DAB1: variants seen among roughly 807,000 people sequenced by gnomAD.
DAB1 encodes the protein DAB adaptor protein 1, also known as disabled homolog 1.
DAB1 carries 15 observed loss-of-function variants against 64.6 expected under a neutral mutation model. The ratio of observed to expected loss-of-function variants is 0.23; its 90% CI spans 0.16 to 0.36. The LOEUF (loss-of-function observed/expected upper bound fraction) is 0.36, where lower values mean the gene tolerates loss of function less well. DAB1 is among the 10% of genes least tolerant of loss of function. The pLI is 1.00. For missense variants in DAB1, 596 were observed against 706.7 expected (o/e 0.84, Z 1.78); for synonymous variants, 235 against 251.9 (o/e 0.93, Z 0.64).
intron 1 of DAB1, among the ~76,000 whole-genome samples, chr1:57,422,912 C>T (rs930704965): frequency 2.6e-5 from 4 of 152,178 alleles, no homozygotes; most frequent in Admixed American, 2.6e-4. Flanking sequence ...AAAGATGCGC[C>T]CTCCCACCAG....
chr1:57,406,755 A>G lies in DAB1; in HGVS notation c.-137+17175T>C, dbSNP rs1683674322. The stretch of plus-strand genomic sequence containing the variant: ...CAAATTTAGCTGAAATGCAGCCAAC[A>G]GGATAGAAAGGATCCGAATCCTGTG... On this transcript the variant is annotated intron_variant, in intron 1 of 14. Transcript: ENST00000371236. 2.0e-5 allele frequency among the ~76,000 whole-genome samples: 3 copies of G among 152,232 alleles called. No homozygotes were observed. In the South Asian group the frequency reaches 6.2e-4, roughly 31 times the overall value.
chr1:57,023,372 A>G (rs769491731), intron 11 of DAB1, among the ~76,000 whole-genome samples, 159 bp downstream of exon 11: 22 of 152,156 alleles, frequency 1.4e-4, no homozygotes, highest in Non-Finnish European at 2.6e-4. Context: ...CTGGACCCCA[A>G]CACCACCTCC....
At chr1:58,484,222 G>A (rs1374122358) in intron 3 of DAB1, among the ~76,000 whole-genome samples, 3 of 152,152 alleles carry the variant, frequency 2.0e-5, no homozygotes, top group African/African-American at 7.2e-5. Context: ...CATTAGAATT[G>A]TTCCCACAGT....
chr1:58,158,201 C>G (rs934504246), intron 4 of DAB1, among the ~76,000 whole-genome samples: 1 of 152,124 alleles, frequency 6.6e-6, no homozygotes, highest in Non-Finnish European at 1.5e-5. Context: ...CAGACCCAAA[C>G]AGAGCTCAGA....
intron 4 of DAB1, among the ~76,000 whole-genome samples, chr1:57,094,942 G>A (rs1654022317): frequency 6.6e-6 from 1 of 152,026 alleles, no homozygotes; most frequent in Non-Finnish European, 1.5e-5. Context: ...TCGATCTCTT[G>A]CCCTATATTA....
At chr1:58,050,249 T>C (rs755072648) in intron 5 of DAB1, among the ~76,000 whole-genome samples, 2 of 152,180 alleles carry the variant, frequency 1.3e-5, no homozygotes, top group Non-Finnish European at 2.9e-5. Flanking sequence ...CGTGAGCCTA[T>C]AAGAGTTTGG....
At chr1:57,000,144 C>T (rs1234264069) in intron 14 of DAB1, among the ~76,000 whole-genome samples, 1 of 150,088 alleles carries the variant, frequency 6.7e-6, no homozygotes, top group Admixed American at 6.7e-5. Flanking sequence ...CCCAGGTTCA[C>T]ACCATTCTCC....
rs61512431 is a variant in DAB1, at chr1:57,282,182, C to CAAAAAA, written c.67+8776_67+8781dup. ...TGGGTGACAGAGCAAGCCTTCTTCT[C>CAAAAAA]AAAAAAAAAAAAAAAAAAAAAAAAA... On this transcript the variant is annotated intron_variant, in intron 2 of 14. Transcript: ENST00000371236. Among the ~76,000 whole-genome samples the CAAAAAA allele has an allele frequency of 2.9e-4, 27 of 92,784 alleles. 1 individual carries two copies. The highest frequency in any genetic ancestry group is 4.1e-4 in the Non-Finnish European group (19 of 46,304). The allele number at this position is 92,784 out of a possible 152,430, so 60.9% of individuals were successfully genotyped here.
At chr1:57,692,722 T>A (rs1294268752) in intron 6 of DAB1, among the ~76,000 whole-genome samples, 2 of 152,076 alleles carry the variant, frequency 1.3e-5, no homozygotes, top group African/African-American at 4.8e-5. Flanking sequence ...TACTCTACAA[T>A]CCCAAATAGA....
chr1:57,748,521 T>G (rs2101800389), intron 6 of DAB1, among the ~76,000 whole-genome samples: 1 of 135,732 alleles, frequency 7.4e-6, no homozygotes, highest in African/African-American at 2.7e-5. Flanking sequence ...TCTATTATGC[T>G]TATTTAATTG....
intron 2 of DAB1, among the ~76,000 whole-genome samples, chr1:57,208,973 C>G (rs1366843823): frequency 6.6e-6 from 1 of 152,208 alleles, no homozygotes; most frequent in Non-Finnish European, 1.5e-5. Flanking sequence ...CACTGTGTCA[C>G]AAGGTGTTGC....
chr1:57,086,043 A>G (rs1653041622), intron 4 of DAB1, among the ~76,000 whole-genome samples: 1 of 152,158 alleles, frequency 6.6e-6, no homozygotes, highest in South Asian at 2.1e-4. Context: ...TTATTAGGCA[A>G]TAAAATGCTG....
intron 3 of DAB1, among the ~76,000 whole-genome samples, chr1:58,496,510 G>A (rs118095617): frequency 1.3e-5 from 2 of 152,124 alleles, no homozygotes; most frequent in East Asian, 1.9e-4. Context: ...TTTGTTTTTC[G>A]TATTTCTGCT....
At chr1:57,807,702 G>T (rs1020987624) in intron 6 of DAB1, among the ~76,000 whole-genome samples, 2 of 151,752 alleles carry the variant, frequency 1.3e-5, no homozygotes, top group African/African-American at 4.8e-5. Context: ...TTCAATAAAA[G>T]TTACACTGAG....
chr1:57,385,828 T>C (rs1304252656), intron 1 of DAB1, among the ~76,000 whole-genome samples: 2 of 152,222 alleles, frequency 1.3e-5, no homozygotes, highest in Non-Finnish European at 2.9e-5. Flanking sequence ...TACCAAATCG[T>C]GCTGCACTTT....
intron 4 of DAB1, among the ~76,000 whole-genome samples, chr1:57,098,895 T>C (rs539594627): frequency 3.9e-5 from 6 of 152,332 alleles, no homozygotes; most frequent in Admixed American, 1.3e-4. Context: ...CATAGTAAGA[T>C]TGCCTTTAGG....
At chr1:57,358,052 A>C (rs1341729979) in intron 1 of DAB1, among the ~76,000 whole-genome samples, 3 of 152,032 alleles carry the variant, frequency 2.0e-5, no homozygotes, top group African/African-American at 4.8e-5. Context: ...TTTTTGGTAG[A>C]GTCTTTAGGG....
intron 2 of DAB1, among the ~76,000 whole-genome samples, chr1:57,174,231 C>T (rs1662069174): frequency 6.6e-6 from 1 of 152,114 alleles, no homozygotes; most frequent in South Asian, 2.1e-4. Flanking sequence ...ATGACTTACC[C>T]CACCCTCTCT....
chr1:57,282,421 G>A (rs545642264), intron 2 of DAB1, among the ~76,000 whole-genome samples: 2 of 152,226 alleles, frequency 1.3e-5, no homozygotes, highest in East Asian at 3.9e-4. Flanking sequence ...GTATTGTCCT[G>A]TGGTGTATGC....
Sources: gnomAD v4.1 joint callset for allele counts (sites outside exome capture counted in the v4.1 genomes callset) on GRCh38, gnomAD v4.1.1 for gene constraint, MANE v1.5 for transcripts, NCBI Gene and HGNC (gene_info 2026-07-23, HGNC 2026-07-21) for gene names.